Variants in HSD17B12 observed in about 807,000 individuals in gnomAD.
HSD17B12 encodes hydroxysteroid 17-beta dehydrogenase 12, also known as very-long-chain 3-oxoacyl-CoA reductase.
HSD17B12 carries 32 observed loss-of-function variants against 39.3 expected under a neutral mutation model. The observed-to-expected ratio is 0.81, with a 90% CI of 0.61 to 1.09. HSD17B12 has a LOEUF of 1.09. Among genes scored for constraint, HSD17B12 ranks in the 50% least tolerant of loss-of-function variants. The pLI is 0.00. For synonymous variants in HSD17B12, 150 were observed against 146.7 expected (o/e 1.02, Z -0.16); for missense variants, 342 against 382.9 (o/e 0.89, Z 0.89).
At chr11:43,840,206 T>C in intron 9 of HSD17B12, 142 bp downstream of exon 9, 1 of 618,990 alleles carries the variant, frequency 1.6e-6, no homozygotes, top group East Asian at 3.2e-5. Context: ...ACGTGGTTTC[T>C]TTTTCCTTAA....
intron 1 of HSD17B12, among the ~76,000 whole-genome samples, chr11:43,688,400 A>T (rs542301644): frequency 4.6e-4 from 70 of 152,270 alleles, no homozygotes; most frequent in Non-Finnish European, 4.0e-4. Flanking sequence ...TGAAACACTG[A>T]AACTAGGTTA....
chr11:43,647,784 C>T, the HSD17B12 span, among the ~76,000 whole-genome samples: 15 of 152,128 alleles, frequency 9.9e-5, no homozygotes, highest in Non-Finnish European at 1.9e-4. Context: ...TGTATATTCA[C>T]CCCTCACCCT....
the HSD17B12 span, among the ~76,000 whole-genome samples, chr11:43,572,941 A>G: frequency 6.6e-6 from 1 of 152,212 alleles, no homozygotes; most frequent in Non-Finnish European, 1.5e-5. Flanking sequence ...AATCCAGTAC[A>G]TTACCTACTG....
chr11:43,799,579 A>G (rs956349581), intron 4 of HSD17B12, among the ~76,000 whole-genome samples: 3 of 152,202 alleles, frequency 2.0e-5, no homozygotes, highest in African/African-American at 4.8e-5. Flanking sequence ...CAGGGCATCT[A>G]GTTCCAAAAA....
At chr11:43,699,231 C>T (rs1949940209) in intron 1 of HSD17B12, among the ~76,000 whole-genome samples, 1 of 152,070 alleles carries the variant, frequency 6.6e-6, no homozygotes, top group Admixed American at 6.6e-5. Context: ...ATTATAAGTT[C>T]CTGTCATTTC....
chr11:43,581,159 C>T, the HSD17B12 span, among the ~76,000 whole-genome samples: 9 of 152,032 alleles, frequency 5.9e-5, no homozygotes, highest in Non-Finnish European at 1.3e-4. This position sits in a 1 kb window ranked among gnomAD's most constrained non-coding sequence, Gnocchi z 4.9. Context: ...TCCGGGTGCC[C>T]CTCTGCGGTC....
intron 4 of HSD17B12, among the ~76,000 whole-genome samples, chr11:43,805,295 T>C (rs1018493905): frequency 6.6e-6 from 1 of 152,228 alleles, no homozygotes; most frequent in Non-Finnish European, 1.5e-5. Context: ...TAATTCTTAT[T>C]GGAACTAGTA....
chr11:43,756,436 G>A (rs1950508440), intron 3 of HSD17B12, among the ~76,000 whole-genome samples: 1 of 152,088 alleles, frequency 6.6e-6, no homozygotes, highest in African/African-American at 2.4e-5. Flanking sequence ...ATGAGCCTGA[G>A]GTAGTTACTG....
the HSD17B12 span, among the ~76,000 whole-genome samples, chr11:43,610,549 G>A: frequency 3.3e-5 from 5 of 152,102 alleles, no homozygotes; most frequent in Non-Finnish European, 7.4e-5. Context: ...CCAATTGAAT[G>A]GCCTGAATTT....
chr11:43,788,911 A>G (rs1480797643), intron 3 of HSD17B12, among the ~76,000 whole-genome samples: 2 of 152,102 alleles, frequency 1.3e-5, no homozygotes, highest in Non-Finnish European at 2.9e-5. Flanking sequence ...CTTTTGAATG[A>G]GGGGGCCCCA....
Position 43,680,826 on chromosome 11 carries a change from C to T in HSD17B12, c.-2C>T. 6.2e-7 allele frequency: 1 copy of T among 1,613,576 alleles called. No individual in the cohort carries two copies. The highest frequency in any genetic ancestry group is 8.5e-7 in the Non-Finnish European group (1 of 1,179,486). On this transcript the variant is annotated 5_prime_UTR_variant, in exon 1 of 11. Transcript: ENST00000278353. ...GAAGGTAGTGAGGCCTAGTGGAAAG[C>T]CATGGAGAGCGCTCTCCCCGCCGCC...
chr11:43,618,065 A>G, the HSD17B12 span, among the ~76,000 whole-genome samples: 12 of 152,324 alleles, frequency 7.9e-5, no homozygotes, highest in African/African-American at 1.9e-4. Flanking sequence ...ACCTGGGCCT[A>G]TTATAGAACA....
chr11:43,742,670 A>G (rs937433169), intron 1 of HSD17B12, among the ~76,000 whole-genome samples: 3 of 151,956 alleles, frequency 2.0e-5, no homozygotes, highest in African/African-American at 7.3e-5. Flanking sequence ...TTGCCTGACC[A>G]CTGTGTATAA....
intron 1 of HSD17B12, among the ~76,000 whole-genome samples, chr11:43,683,635 G>C (rs1467908598): frequency 6.6e-6 from 1 of 152,150 alleles, no homozygotes; most frequent in African/African-American, 2.4e-5. Context: ...TAGAATTGTT[G>C]TATGTAAATA....
chr11:43,686,205 C>T (rs1400417833), intron 1 of HSD17B12, among the ~76,000 whole-genome samples: 1 of 152,074 alleles, frequency 6.6e-6, no homozygotes, highest in South Asian at 2.1e-4. Context: ...TTCTTACTGG[C>T]GAGCCAATGT....
chr11:43,740,542 T>C (rs1271267863), intron 1 of HSD17B12, among the ~76,000 whole-genome samples: 5 of 152,290 alleles, frequency 3.3e-5, no homozygotes, highest in African/African-American at 1.2e-4. Flanking sequence ...GGTAATTCAG[T>C]GGTGTTATCA....
chr11:43,731,197 A>C (rs1950264004), intron 1 of HSD17B12, among the ~76,000 whole-genome samples: 1 of 152,110 alleles, frequency 6.6e-6, no homozygotes. Context: ...GGGTTTCACC[A>C]TGTTGACCAG....
intron 1 of HSD17B12, among the ~76,000 whole-genome samples, chr11:43,710,993 A>G (rs529381311): frequency 5.3e-5 from 8 of 152,194 alleles, no homozygotes; most frequent in East Asian, 1.9e-4. Flanking sequence ...GGGTTTCACT[A>G]TGTTGGCCAG....
In HSD17B12 at chr11:43,831,832, C is replaced by T. The variant is rs1039763457; in HGVS notation, c.536+822C>T. On this transcript the variant is annotated intron_variant, in intron 7 of 10. Transcript: ENST00000278353. The surrounding 1 kb of genome is among the most constrained non-coding windows in gnomAD (Gnocchi z 4.1). ...AAGGGAAGACCCAAGGACCCTACTT[C>T]TGTTAGGAAACCTCTATGACCTACT... 1.3e-5 allele frequency among the ~76,000 whole-genome samples: 2 copies of T among 152,214 alleles called. No homozygotes were observed. Among genetic ancestry groups the T allele is most frequent in the African/African-American group, 2.4e-5 (1 of 41,460 alleles).
Sources: gnomAD v4.1 joint callset for allele counts (sites outside exome capture counted in the v4.1 genomes callset) on GRCh38, gnomAD v4.1.1 for gene constraint, Gnocchi (gnomAD v3.1) non-coding constraint, MANE v1.5 for transcripts, NCBI Gene and HGNC (gene_info 2026-07-23, HGNC 2026-07-21) for gene names.